RNF213: variants seen among roughly 807,000 people sequenced by gnomAD.
RNF213 encodes ring finger protein 213.
Under a neutral mutation model 514.4 loss-of-function variants are expected in RNF213, and 341 were observed. That is an observed-to-expected ratio of 0.66 (90% CI 0.61 to 0.73). The LOEUF (loss-of-function observed/expected upper bound fraction) is 0.73, where lower values mean the gene tolerates loss of function less well. Among genes scored for constraint, RNF213 ranks in the 30% least tolerant of loss-of-function variants. The probability of loss-of-function intolerance (pLI) is 0.00; values close to 1 mark genes in which losing one functional copy is unlikely to be tolerated. For synonymous variants in RNF213, 2,655 were observed against 2,658.2 expected, an observed-to-expected ratio of 1.00 and a Z score of 0.04; for missense variants, 5,767 against 6,615.6, an observed-to-expected ratio of 0.87 and a Z score of 4.45.
chr17:80,312,384 G>T (rs57970281), intron 14 of RNF213, among the ~76,000 whole-genome samples: 1 of 151,590 alleles, frequency 6.6e-6, no homozygotes. Context: ...GCACGGAGGC[G>T]GGGGGAGAGC....
intron 1 of RNF213, among the ~76,000 whole-genome samples, chr17:80,261,790 G>T (rs972538857): frequency 6.6e-6 from 1 of 152,012 alleles, no homozygotes; most frequent in Non-Finnish European, 1.5e-5. Flanking sequence ...AGGCCAAGGC[G>T]GGTGGGTCAC....
At position 80,347,809 on chromosome 17, in the gene RNF213, C is replaced by T; in HGVS notation, c.9474C>T (p.Tyr3158=). ...LIVIEEKDVV[Y]KHFPIPLINR... is the part of the protein sequence containing the mutation. Reference sequence around the variant, plus strand: ...TCATTGAAGAGAAAGACGTCGTGTACAAACACTTTCCCATCCCCCTCATTA... The same window carrying T: ...TCATTGAAGAGAAAGACGTCGTGTATAAACACTTTCCCATCCCCCTCATTA... Residue 3158 remains tyrosine (Y), a synonymous_variant, in exon 29 of 68, where the codon TAC becomes TAT. Transcript: ENST00000582970. This position sits in a 1 kb window ranked among gnomAD's most constrained non-coding sequence, Gnocchi z 7.2. The T allele has an allele frequency of 6.2e-7, 1 of 1,614,078 alleles. No individual in the cohort carries two copies. The highest frequency in any genetic ancestry group is 8.5e-7 in the Non-Finnish European group (1 of 1,180,002).
intron 18 of RNF213, 113 bp from the exon 19 acceptor site, chr17:80,327,703 T>C (rs1424847074): frequency 3.5e-6 from 3 of 860,174 alleles, no homozygotes; most frequent in Middle Eastern, 3.5e-4. Context: ...AGCCATTGCC[T>C]GTGTTTGAGG....
At chr17:80,338,129 A>G (rs1599053107) in intron 25 of RNF213, 132 bp downstream of exon 25, 6 of 1,156,522 alleles carry the variant, frequency 5.2e-6, no homozygotes, top group Admixed American at 4.4e-5. Flanking sequence ...TCTTAGGCCC[A>G]TGGAGAGTAG....
rs371450557 is a variant in RNF213, at chr17:80,369,713, C to T, written c.12325+42C>T. 9.1e-4 allele frequency: 1,475 copies of T among 1,613,898 alleles called. 5 individuals are homozygous for T. The highest frequency in any genetic ancestry group is 2.3e-3 in the South Asian group (209 of 91,078). ...CTGTAAACCTAGCCCCTCATTTCTT[C>T]ATCTCGCTTCTGCATGTCTCATGCA... On this transcript the variant is annotated intron_variant, in intron 45 of 67. Transcript: ENST00000582970.
intron 64 of RNF213, 27 bp from the exon 65 acceptor site, chr17:80,389,146 A>G: frequency 6.2e-7 from 1 of 1,610,122 alleles, no homozygotes; most frequent in Non-Finnish European, 8.5e-7. Flanking sequence ...GCCCACAGAC[A>G]TCCCTCTCCT....
intron 17 of RNF213, chr17:80,321,514 G>A (rs1036151780): frequency 6.6e-6 from 1 of 152,200 alleles, no homozygotes. Context: ...TCTCCTGGGT[G>A]TATACCTCGA....
rs2045352836 is a variant in RNF213 at position 80,306,234 on chromosome 17, C to T, written c.2211-18C>T. On this transcript the variant is annotated intron_variant, in intron 11 of 67. Transcript: ENST00000582970. ...TCTCACTGCGTCTCTTTTCTCCGTC[C>T]CTATTTCTCTTATGCAGGAGTTCCC... is the stretch of plus-strand genomic sequence containing the variant. 5.0e-6 allele frequency: 8 copies of T among 1,611,382 alleles called. No individual in the cohort carries two copies. The highest frequency in any genetic ancestry group is 6.8e-6 in the Non-Finnish European group (8 of 1,177,588).
chr17:80,298,612 A>T, intron 11 of RNF213, 94 bp downstream of exon 11: 1 of 1,268,342 alleles, frequency 7.9e-7, no homozygotes, highest in East Asian at 2.4e-5. Context: ...CAGTGACTCC[A>T]TTCCTGATTC....
rs536320367 is a variant in RNF213 at position 80,282,159 on chromosome 17, C to T, written c.262-5656C>T. ...GGCCTGAGCCACTGAGGCCGGCCCC[C>T]GACACCATGCACTTTAATTCATCTC... On this transcript the variant is annotated intron_variant, in intron 3 of 67. Coordinates refer to ENST00000582970, the MANE Select transcript of RNF213 (RefSeq NM_001256071.3). 4.6e-5 allele frequency among the ~76,000 whole-genome samples: 7 copies of T among 152,222 alleles called. No homozygotes were observed. The East Asian group carries it at 1.2e-3, about 25-fold the overall frequency.
In RNF213 at chr17:80,358,363, C is replaced by T. The variant is rs375697820; in HGVS notation, c.10938C>T (p.Asp3646=). 2.2e-5 allele frequency: 36 copies of T among 1,614,008 alleles called. No individual in the cohort carries two copies. In the East Asian group the frequency reaches 5.3e-4, roughly 24 times the overall value. Residue 3646 remains aspartate (D), a synonymous_variant, in exon 37 of 68, where the codon GAC becomes GAT. Transcript: ENST00000582970. ...GCATGATATCATTCATCGACAGAGA[C>T]GGCAACCTAGAGTTACTGACCAGGC... ...LASMISFIDR[D]GNLELLTRPD...
chr17:80,269,644 CTATT>C lies in RNF213; in HGVS notation c.98-3596_98-3593del, dbSNP rs535426932. Among the ~76,000 whole-genome samples the C allele has an allele frequency of 3.7e-3, 562 of 152,288 alleles. 3 individuals are homozygous for C. Among genetic ancestry groups the C allele is most frequent in the Middle Eastern group, 0.01 (3 of 294 alleles). ...CTATCCATTCATCTAGCTTATCTAT[CTATT>C]CATCCATCAATCTATCCATCCATCC... On this transcript the variant is annotated intron_variant, in intron 2 of 67. Coordinates refer to ENST00000582970, the MANE Select transcript of RNF213 (RefSeq NM_001256071.3).
rs752033791 is a variant in RNF213 at position 80,383,903 on chromosome 17, C to T, written c.14297C>T (p.Pro4766Leu). ...VEQKNGKERV[P>L]ILWHFLQKEA... Reference sequence around the variant, plus strand: ...CAGAAAAATGGCAAAGAAAGAGTGCCCATCCTCTGGCATTTCCTGCAGAAG... The same window carrying T: ...CAGAAAAATGGCAAAGAAAGAGTGCTCATCCTCTGGCATTTCCTGCAGAAG... Residue 4766 changes from proline (P) to leucine (L), a missense_variant, in exon 59 of 68, where the codon CCC becomes CTC. Physicochemically the swap from Pro to Leu is moderately conservative, Grantham distance 98. This residue lies in a region of RNF213 where 1,245 missense variants were observed against 1,339.0 expected (regional missense o/e 0.93). Coordinates refer to ENST00000582970, the MANE Select transcript of RNF213 (RefSeq NM_001256071.3). The T allele has an allele frequency of 6.2e-7, 1 of 1,614,116 alleles. No individual in the cohort carries two copies. Among genetic ancestry groups the T allele is most frequent in the South Asian group, 1.1e-5 (1 of 91,072 alleles).
chr17:80,351,831 T>G, intron 32 of RNF213, 28 bp downstream of exon 32: 1 of 1,147,660 alleles, frequency 8.7e-7, no homozygotes, highest in Non-Finnish European at 1.3e-6. Flanking sequence ...GTCAGGGTAT[T>G]TATTTATGTA....
At chr17:80,379,369 T>G (rs2079892847) in intron 54 of RNF213, 1 of 520,104 alleles carries the variant, frequency 1.9e-6, no homozygotes, top group Admixed American at 3.0e-5. Context: ...GTCTATAAAG[T>G]GTCACTCTGG....
chr17:80,293,884 A>G (rs1466764673), intron 8 of RNF213, among the ~76,000 whole-genome samples: 1 of 151,536 alleles, frequency 6.6e-6, no homozygotes, highest in Non-Finnish European at 1.5e-5. Context: ...AGCTTCCACA[A>G]GGAGGTGATG....
intron 26 of RNF213, 92 bp downstream of exon 26, chr17:80,340,448 G>A (rs921207377): frequency 4.8e-6 from 6 of 1,257,034 alleles, no homozygotes; most frequent in Non-Finnish European, 6.7e-6. Flanking sequence ...TCTGCAGGTG[G>A]AGAAACCGAG....
chr17:80,387,937 CTG>C (rs1191472450), intron 63 of RNF213, among the ~76,000 whole-genome samples: 1 of 150,568 alleles, frequency 6.6e-6, no homozygotes, highest in East Asian at 2.0e-4. Context: ...GGGCCAGGAA[CTG>C]TGAGAGCCCA....
chr17:80,380,427 C>T (rs1453510078), intron 55 of RNF213, among the ~76,000 whole-genome samples: 2 of 152,168 alleles, frequency 1.3e-5, no homozygotes, highest in South Asian at 2.1e-4. Flanking sequence ...GACTTTAGAT[C>T]CCGGTTTTTC....
Sources: allele counts gnomAD v4.1 joint callset (sites outside exome capture counted in the v4.1 genomes callset), GRCh38; gene constraint gnomAD v4.1.1; regional missense constraint gnomAD v4.1.1; non-coding constraint Gnocchi (gnomAD v3.1); transcripts MANE v1.5; gene names NCBI Gene and HGNC (gene_info 2026-07-23, HGNC 2026-07-21).